Variants in ZZEF1 observed in about 807,000 individuals in gnomAD.
The protein encoded by ZZEF1 is zinc finger ZZ-type and EF-hand domain-containing protein 1.
ZZEF1 carries 157 observed loss-of-function variants against 342.8 expected under a neutral mutation model. The ratio of observed to expected loss-of-function variants is 0.46; its 90% CI spans 0.40 to 0.52. ZZEF1 has a LOEUF of 0.52. Ranked by LOEUF, ZZEF1 falls within the 20% of genes least tolerant of loss-of-function variation. ZZEF1 has a pLI of 0.00. For missense variants in ZZEF1, 3,480 were observed against 3,725.6 expected (o/e 0.93, Z 1.72); for synonymous variants, 1,505 against 1,429.1 (o/e 1.05, Z -1.20).
chr17:4,021,420 A>G (rs1413182741), intron 44 of ZZEF1, 100 bp from the exon 45 acceptor site: 2 of 837,406 alleles, frequency 2.4e-6, no homozygotes, highest in Non-Finnish European at 3.5e-6. Flanking sequence ...TTTTTAAGAC[A>G]TCAGAATCTA....
chr17:4,036,187 G>A (rs1288908436), intron 39 of ZZEF1, among the ~76,000 whole-genome samples: 2 of 152,108 alleles, frequency 1.3e-5, no homozygotes, highest in Admixed American at 1.3e-4. Context: ...AAGGATGATG[G>A]GATCCAGGAT....
In ZZEF1 at chr17:4,022,781, C is replaced by G. The variant is rs775412744; in HGVS notation, c.7140G>C (p.Leu2380Phe). The G allele has an allele frequency of 7.4e-6, 12 of 1,613,744 alleles. No individual in the cohort carries two copies. Among genetic ancestry groups the G allele is most frequent in the East Asian group, 6.7e-5 (3 of 44,854 alleles). ...TGCACTTTTTCACCAGCAACTTCAGCAAATCGGTCTGAAGGAAAGTAGCAC... is the reference window on the plus strand; with the variant it reads ...TGCACTTTTTCACCAGCAACTTCAGGAAATCGGTCTGAAGGAAAGTAGCAC... Reference protein sequence around the residue: ...EIRATFLQTDLLKLLVKKCSK... With the variant: ...EIRATFLQTDFLKLLVKKCSK... The change falls in exon 44 of 55, where the codon TTG becomes TTC. Residue 2380 changes from leucine (L) to phenylalanine (F), a missense_variant. Around this residue, in one of 5 missense-constraint regions of ZZEF1, gnomAD observed 1,269 missense variants for 1,342.4 expected, o/e 0.95. Coordinates refer to ENST00000381638, the MANE Select transcript of ZZEF1 (RefSeq NM_015113.4).
intron 11 of ZZEF1, 120 bp downstream of exon 11, chr17:4,095,711 G>A: frequency 9.6e-7 from 1 of 1,046,522 alleles, no homozygotes; most frequent in African/African-American, 1.6e-5. Context: ...TGGATTAGTG[G>A]CGCCTTTTCT....
intron 26 of ZZEF1, among the ~76,000 whole-genome samples, chr17:4,069,231 T>TA (rs2057462356): frequency 6.6e-6 from 1 of 152,180 alleles, no homozygotes; most frequent in South Asian, 2.1e-4. Context: ...TTCCTTCAAG[T>TA]AAAAAGATTA....
chr17:4,136,205 A>T (rs1410075268), intron 1 of ZZEF1, among the ~76,000 whole-genome samples: 1 of 148,268 alleles, frequency 6.7e-6, no homozygotes, highest in African/African-American at 2.5e-5. Flanking sequence ...TTAGCCAGAC[A>T]TGGGGGCAGG....
Position 4,095,928 on chromosome 17 carries a change from A to C in ZZEF1, c.1816T>G (p.Ser606Ala). 2 of 1,613,854 alleles carry C rather than the reference A, an allele frequency of 1.2e-6. No homozygotes were observed. The highest frequency in any genetic ancestry group is 1.7e-6 in the Non-Finnish European group (2 of 1,179,794). The change falls in exon 11 of 55, where the codon TCA (serine) becomes GCA (alanine). Residue 606 changes from serine to alanine, a missense_variant. This residue lies in a region of ZZEF1 where 1,528 missense variants were observed against 1,624.1 expected (regional missense o/e 0.94). Transcript: ENST00000381638. ...AQCGLVFAYN[S>A]SSDKFCAEEH... The stretch of plus-strand genomic sequence containing the variant: ...TCCGCACAAAATTTATCTGAAGATG[A>C]GTTATAGGCAAACACCAACCCACAC...
At position 4,101,121 on chromosome 17, in the gene ZZEF1, A is replaced by G. The variant is rs138258203; in HGVS notation, c.1672+1196T>C. On this transcript the variant is annotated intron_variant, in intron 9 of 54. Transcript: ENST00000381638. Reference sequence around the variant, plus strand: ...TCTGCACAGGCTGAGCTGCTCAGGGAAAACCACAGGGAAACAATCTGCTTT... The same window carrying G: ...TCTGCACAGGCTGAGCTGCTCAGGGGAAACCACAGGGAAACAATCTGCTTT... Among the ~76,000 whole-genome samples, 26 of 152,318 alleles carry G rather than the reference A, an allele frequency of 1.7e-4. No homozygotes were observed. The East Asian group carries it at 3.9e-3, about 23-fold the overall frequency.
Position 4,032,227 on chromosome 17 carries a change from A to G in ZZEF1, c.6791T>C (p.Met2264Thr), listed in dbSNP as rs1388631983. Residue 2264 changes from methionine to threonine, a missense_variant, in exon 42 of 55, where the codon ATG becomes ACG. Physicochemically the swap from Met to Thr is moderately conservative, Grantham distance 81 (BLOSUM62 -1). This residue lies in a region of ZZEF1 where 1,269 missense variants were observed against 1,342.4 expected (regional missense o/e 0.95). Coordinates refer to ENST00000381638, the MANE Select transcript of ZZEF1 (RefSeq NM_015113.4). Reference protein sequence around the residue: ...VLCVGTRCVYMDNANEPHNVI... With the variant: ...VLCVGTRCVYTDNANEPHNVI... ...ATTATGGGGTTCATTGGCATTATCC[A>G]TATAAACGCAGCGGGTTCCCACACA... The G allele has an allele frequency of 8.7e-6, 14 of 1,613,804 alleles. No individual in the cohort carries two copies. Among genetic ancestry groups the G allele is most frequent in the Non-Finnish European group, 1.2e-5 (14 of 1,179,922 alleles).
In ZZEF1 at chr17:4,142,631, C is replaced by T; in HGVS notation, c.265G>A (p.Gly89Ser). Residue 89 changes from glycine to serine, a missense_variant, in exon 1 of 55, where the codon GGC (glycine) becomes AGC (serine). By Grantham distance (56) the Gly-to-Ser change is moderately conservative. This residue lies in a region of ZZEF1 where 416 missense variants were observed against 374.2 expected (regional missense o/e 1.11). Coordinates refer to ENST00000381638, the MANE Select transcript of ZZEF1 (RefSeq NM_015113.4). ...ALFRWLEERL[G>S]RGEESVTLEQ... is the part of the protein sequence containing the mutation. Reference sequence around the variant, plus strand: ...AGAGTGACAGACTCTTCGCCGCGGCCCAGCCGCTCTTCCAGCCAGCGAAAC... The same window carrying T: ...AGAGTGACAGACTCTTCGCCGCGGCTCAGCCGCTCTTCCAGCCAGCGAAAC... 4 of 1,606,656 alleles carry T rather than the reference C, an allele frequency of 2.5e-6. No individual in the cohort carries two copies. Among genetic ancestry groups the T allele is most frequent in the Non-Finnish European group, 2.5e-6 (3 of 1,179,738 alleles).
chr17:4,079,569 G>A (rs2057684470), intron 18 of ZZEF1, among the ~76,000 whole-genome samples: 1 of 152,106 alleles, frequency 6.6e-6, no homozygotes, highest in Admixed American at 6.5e-5. Flanking sequence ...GAAAATTAAT[G>A]TGACAGCAAA....
At chr17:4,042,848 ATTT>A (rs1567787656) in intron 38 of ZZEF1, among the ~76,000 whole-genome samples, 1 of 152,084 alleles carries the variant, frequency 6.6e-6, no homozygotes, top group African/African-American at 2.4e-5. Flanking sequence ...TGCTCAGCTA[ATTT>A]TTGTATTTTT....
chr17:4,055,544 CT>C (rs1459091837), intron 33 of ZZEF1, among the ~76,000 whole-genome samples: 2 of 152,202 alleles, frequency 1.3e-5, no homozygotes, highest in African/African-American at 4.8e-5. Context: ...ACCAGGCAGC[CT>C]TCTGATGGAA....
chr17:4,060,711 T>C (rs2057269620), intron 30 of ZZEF1, among the ~76,000 whole-genome samples: 2 of 152,234 alleles, frequency 1.3e-5, no homozygotes, highest in South Asian at 4.2e-4. Flanking sequence ...TATTTTACTT[T>C]TTAAAAGAGA....
intron 52 of ZZEF1, among the ~76,000 whole-genome samples, chr17:4,012,310 C>T (rs539749147): frequency 6.6e-6 from 1 of 152,348 alleles, no homozygotes; most frequent in African/African-American, 2.4e-5. Flanking sequence ...TCTCCCCTCT[C>T]TCTCCACGCT....
chr17:4,112,755 G>A lies in ZZEF1; in HGVS notation c.920C>T (p.Ala307Val). The A allele has an allele frequency of 6.2e-7, 1 of 1,610,790 alleles. No individual in the cohort carries two copies. The highest frequency in any genetic ancestry group is 2.2e-5 in the East Asian group (1 of 44,786). ...CTGTGGCATGTAGCTCTGGTCAGTG[G>A]CAGCCACTGCAATGGACAGGTGCCT... ...VLRHLSIAVA[A>V]TDQSYMPQQV... is the part of the protein sequence containing the mutation. Residue 307 changes from alanine (A) to valine (V), a missense_variant, in exon 5 of 55, where the codon GCC becomes GTC. Around this residue, in one of 5 missense-constraint regions of ZZEF1, gnomAD observed 92 missense variants for 130.3 expected, o/e 0.71. Coordinates refer to ENST00000381638, the MANE Select transcript of ZZEF1 (RefSeq NM_015113.4).
intron 2 of ZZEF1, 123 bp downstream of exon 2, chr17:4,123,784 C>T (rs1008173689): frequency 1.2e-5 from 13 of 1,084,398 alleles, no homozygotes; most frequent in Middle Eastern, 2.5e-4. Flanking sequence ...TAATTCAGAT[C>T]GGGAGCCTAA....
At chr17:4,025,215 G>C in intron 42 of ZZEF1, 97 bp from the exon 43 acceptor site, 1 of 1,172,290 alleles carries the variant, frequency 8.5e-7, no homozygotes, top group South Asian at 1.3e-5. Context: ...TACTAAAGTA[G>C]GGACTGCAGA....
At chr17:4,134,352 T>G (rs372907510) in intron 1 of ZZEF1, among the ~76,000 whole-genome samples, 1 of 144,970 alleles carries the variant, frequency 6.9e-6, no homozygotes, top group African/African-American at 2.5e-5. Context: ...TTATATATAT[T>G]TATATATATA....
intron 30 of ZZEF1, 42 bp downstream of exon 30, chr17:4,062,711 G>A: frequency 6.5e-7 from 1 of 1,529,178 alleles, no homozygotes; most frequent in Non-Finnish European, 8.8e-7. Flanking sequence ...TATTTACAAT[G>A]ATCTTTGCTG....
Sources: allele counts gnomAD v4.1 joint callset (sites outside exome capture counted in the v4.1 genomes callset), GRCh38; gene constraint gnomAD v4.1.1; regional missense constraint gnomAD v4.1.1; transcripts MANE v1.5; gene names NCBI Gene and HGNC (gene_info 2026-07-23, HGNC 2026-07-21).